FILIP1L: variants seen among roughly 807,000 people sequenced by gnomAD.
FILIP1L encodes filamin A interacting protein 1 like, also known as filamin A-interacting protein 1-like.
FILIP1L carries 55 observed loss-of-function variants against 96.6 expected under a neutral mutation model. The ratio of observed to expected loss-of-function variants is 0.57; its 90% CI spans 0.46 to 0.71. The LOEUF is 0.71. Among genes scored for constraint, FILIP1L ranks in the 30% least tolerant of loss-of-function variants. The pLI, the probability that FILIP1L is intolerant of heterozygous loss-of-function variation, is 0.00. For synonymous variants in FILIP1L, 467 were observed against 473.9 expected, an observed-to-expected ratio of 0.99 and a Z score of 0.19; for missense variants, 1,304 against 1,321.2, an observed-to-expected ratio of 0.99 and a Z score of 0.20.
intron 4 of FILIP1L, among the ~76,000 whole-genome samples, chr3:99,877,785 T>G (rs1325912228): frequency 1.3e-5 from 2 of 152,204 alleles, no homozygotes; most frequent in South Asian, 2.1e-4. Flanking sequence ...CAAATGAGAT[T>G]AAATGACTTT....
intron 1 of FILIP1L, among the ~76,000 whole-genome samples, chr3:99,976,144 CA>C (rs555502446): frequency 1.1e-3 from 163 of 152,234 alleles, no homozygotes; most frequent in African/African-American, 3.7e-3. Context: ...CTCAGCCTCC[CA>C]AAGTACTCAT....
intron 1 of FILIP1L, among the ~76,000 whole-genome samples, chr3:100,027,122 A>T (rs1459304340): frequency 1.3e-5 from 2 of 152,056 alleles, no homozygotes; most frequent in Non-Finnish European, 2.9e-5. Flanking sequence ...ACGCTATCTA[A>T]ACTTACACAC....
At chr3:99,847,881 C>G (rs1943439590) in intron 5 of FILIP1L, 1 of 920,194 alleles carries the variant, frequency 1.1e-6, no homozygotes, top group Admixed American at 5.6e-5. Context: ...ATTGTACATG[C>G]AGAAATATAA....
intron 1 of FILIP1L, among the ~76,000 whole-genome samples, chr3:99,978,066 G>C (rs36077012): frequency 0.067 from 10,169 of 151,988 alleles, 407 homozygotes; most frequent in Middle Eastern, 0.086. Context: ...AGCAATGAAC[G>C]TTTCAAAAGA....
chr3:99,997,274 A>C (rs1430615714), intron 1 of FILIP1L, among the ~76,000 whole-genome samples: 2 of 152,206 alleles, frequency 1.3e-5, no homozygotes, highest in African/African-American at 4.8e-5. Context: ...AAAAGGAGGC[A>C]TTTTTTACAA....
At position 99,929,918 on chromosome 3, in the gene FILIP1L, C is replaced by T; in HGVS notation, c.364G>A (p.Asp122Asn). The T allele has an allele frequency of 1.2e-6, 2 of 1,613,768 alleles. No individual in the cohort carries two copies. Among genetic ancestry groups the T allele is most frequent in the Non-Finnish European group, 1.7e-6 (2 of 1,179,900 alleles). The change falls in exon 3 of 6, where the codon GAT becomes AAT. Residue 122 changes from aspartate to asparagine, a missense_variant. Transcript: ENST00000477258. ...GGGGTAGATTTCGCTTGAAAAGCAT[C>T]TCTCTGGAGAGCCTCTAACACCTTT... ...PKKVLEALQR[D>N]AFQAKSTPWQ... is the part of the protein sequence containing the mutation.
At chr3:99,922,074 T>C (rs955793866) in intron 4 of FILIP1L, among the ~76,000 whole-genome samples, 7 of 152,230 alleles carry the variant, frequency 4.6e-5, no homozygotes, top group African/African-American at 1.7e-4. Context: ...ATCTGTATCA[T>C]CTTGCCTTTT....
chr3:99,875,475 T>C (rs1046505052), intron 4 of FILIP1L, among the ~76,000 whole-genome samples: 13 of 152,232 alleles, frequency 8.5e-5, no homozygotes, highest in African/African-American at 3.1e-4. Flanking sequence ...CTCAAAACTA[T>C]GATAGTTACT....
chr3:99,902,975 G>C (rs921500207), intron 4 of FILIP1L, among the ~76,000 whole-genome samples: 1 of 152,146 alleles, frequency 6.6e-6, no homozygotes, highest in African/African-American at 2.4e-5. Context: ...CCTAAACCTA[G>C]AACTGTTAGA....
intron 4 of FILIP1L, 43 bp downstream of exon 4, chr3:99,924,187 A>G: frequency 6.4e-7 from 1 of 1,558,288 alleles, no homozygotes; most frequent in South Asian, 1.2e-5. Flanking sequence ...TGGCCAGCTC[A>G]TAGATTGCAG....
rs144552446 is a variant in FILIP1L at position 100,007,920 on chromosome 3, A to G, written c.-10-76890T>C. ...ACTGGGTAATGCATTGCATATAGTT[A>G]CTAGTTTTTAAAATAGTTAACTCCT... On this transcript the variant is annotated intron_variant, in intron 1 of 5. Coordinates refer to ENST00000477258, the MANE Select transcript of FILIP1L (RefSeq NM_001387850.1). 4.0e-3 allele frequency among the ~76,000 whole-genome samples: 603 copies of G among 152,264 alleles called. 4 individuals are homozygous for G. The highest frequency in any genetic ancestry group is 0.013 in the African/African-American group (560 of 41,556).
chr3:99,936,562 G>A (rs1378952597), intron 1 of FILIP1L, among the ~76,000 whole-genome samples: 1 of 49,240 alleles, frequency 2.0e-5, no homozygotes, highest in South Asian at 7.1e-4. Flanking sequence ...TTTTACTAGA[G>A]GTGGAATTTC....
At chr3:100,091,688 C>T (rs2066112833) in intron 1 of FILIP1L, among the ~76,000 whole-genome samples, 1 of 152,188 alleles carries the variant, frequency 6.6e-6, no homozygotes, top group African/African-American at 2.4e-5. Context: ...CTGTTTCTGC[C>T]ATCTCTGACA....
chr3:99,985,068 G>A, intron 1 of FILIP1L, among the ~76,000 whole-genome samples: 1 of 152,216 alleles, frequency 6.6e-6, no homozygotes, highest in East Asian at 1.9e-4. Flanking sequence ...ATGGTTAGAA[G>A]TTGCATATTC....
intron 1 of FILIP1L, among the ~76,000 whole-genome samples, chr3:99,931,617 G>A (rs919846823): frequency 1.1e-4 from 17 of 152,114 alleles, no homozygotes; most frequent in Non-Finnish European, 2.2e-4. Context: ...ATGAAGGCTT[G>A]GTCCCTGGCT....
At chr3:100,063,066 T>G (rs2065601798) in intron 1 of FILIP1L, among the ~76,000 whole-genome samples, 1 of 152,238 alleles carries the variant, frequency 6.6e-6, no homozygotes, top group South Asian at 2.1e-4. Flanking sequence ...GAGGCCAAAG[T>G]CAGAAGAACT....
intron 1 of FILIP1L, among the ~76,000 whole-genome samples, chr3:99,979,564 G>A (rs1021136032): frequency 6.6e-6 from 1 of 152,074 alleles, no homozygotes; most frequent in African/African-American, 2.4e-5. Context: ...TGAGAAACAG[G>A]ATAAAACTCC....
At position 99,930,740 on chromosome 3, in the gene FILIP1L, A is replaced by G. The variant is rs115459205; in HGVS notation, c.252+29T>C. ...TCACAAGCAGCCTTCTGTTTGAAGC[A>G]TGATGGGGATAACTCCAACCCAGCT... On this transcript the variant is annotated intron_variant, in intron 2 of 5. Transcript: ENST00000477258. The G allele has an allele frequency of 1.8e-3, 2,951 of 1,608,448 alleles. 61 individuals carry two copies. The African/African-American group carries it at 0.035, about 19-fold the overall frequency.
intron 1 of FILIP1L, among the ~76,000 whole-genome samples, chr3:99,955,089 T>C (rs1480703907): frequency 6.6e-6 from 1 of 152,214 alleles, no homozygotes; most frequent in African/African-American, 2.4e-5. Context: ...GCTGGGTAAT[T>C]TGTCTTTCAT....
Sources: gnomAD v4.1 joint callset for allele counts (sites outside exome capture counted in the v4.1 genomes callset) on GRCh38, gnomAD v4.1.1 for gene constraint, MANE v1.5 for transcripts, NCBI Gene and HGNC (gene_info 2026-07-23, HGNC 2026-07-21) for gene names.